Variants in NCAPH observed in about 807,000 individuals in gnomAD.
NCAPH encodes non-SMC condensin I complex subunit H.
A neutral mutation model predicts 85.5 loss-of-function variants in NCAPH; 38 were observed. The ratio of observed to expected loss-of-function variants is 0.44; its 90% CI spans 0.34 to 0.58. The LOEUF (loss-of-function observed/expected upper bound fraction) is 0.58, where lower values mean the gene tolerates loss of function less well. Among genes scored for constraint, NCAPH ranks in the 20% least tolerant of loss-of-function variants. The pLI is 0.01. For missense variants in NCAPH, 789 were observed against 916.6 expected, an observed-to-expected ratio of 0.86 and a Z score of 1.80; for synonymous variants, 301 against 335.1, an observed-to-expected ratio of 0.90 and a Z score of 1.11.
rs578135152 is a variant in NCAPH at position 96,359,268 on chromosome 2, A to G, written c.1357+75A>G. The G allele has an allele frequency of 9.3e-5, 144 of 1,553,032 alleles. 1 individual carries two copies. In the African/African-American group the frequency reaches 1.7e-3, roughly 19 times the overall value. Reference sequence around the variant, plus strand: ...AGCCAGTCAGCAGTTAGCCAAGGAAAAGAAATGCCAGTCACAGCCCTGTTG... The same window carrying G: ...AGCCAGTCAGCAGTTAGCCAAGGAAGAGAAATGCCAGTCACAGCCCTGTTG... On this transcript the variant is annotated intron_variant, in intron 10 of 17. Coordinates refer to ENST00000240423, the MANE Select transcript of NCAPH (RefSeq NM_015341.5).
chr2:96,339,313 C>T (rs1261909493), intron 1 of NCAPH, among the ~76,000 whole-genome samples: 1 of 152,154 alleles, frequency 6.6e-6, no homozygotes, highest in South Asian at 2.1e-4. Context: ...AGTCTTTGGG[C>T]AGGGCGTGGT....
intron 12 of NCAPH, among the ~76,000 whole-genome samples, chr2:96,361,927 A>G (rs1276599230): frequency 6.8e-6 from 1 of 147,994 alleles, no homozygotes; most frequent in African/African-American, 2.5e-5. Context: ...TGCCCAGGCC[A>G]TAGTCCAGTG....
intron 12 of NCAPH, among the ~76,000 whole-genome samples, chr2:96,361,029 T>A (rs572867142): frequency 6.6e-6 from 1 of 150,952 alleles, no homozygotes; most frequent in East Asian, 1.9e-4. Context: ...TCTTGATTCC[T>A]TTGCTTTCTC....
rs146092457 is a variant in NCAPH at position 96,354,239 on chromosome 2, T to C, written c.1059T>C (p.Asn353=). ...FKKNDQVFDI[N]AEVDESDCGD... is the part of the protein sequence containing the mutation. ...AGAATGACCAGGTATTTGACATCAA[T>C]GCTGAAGTTGACGAGAGTGACTGTG... is the stretch of plus-strand genomic sequence containing the variant. The change falls in exon 9 of 18, where the codon AAT becomes AAC. Residue 353 remains asparagine, a synonymous_variant. Coordinates refer to ENST00000240423, the MANE Select transcript of NCAPH (RefSeq NM_015341.5). The C allele has an allele frequency of 2.0e-5, 33 of 1,614,030 alleles. No individual in the cohort carries two copies. The highest frequency in any genetic ancestry group is 2.6e-5 in the Non-Finnish European group (31 of 1,180,036).
chr2:96,348,642 T>A (rs1012618438), intron 6 of NCAPH, among the ~76,000 whole-genome samples: 1 of 151,826 alleles, frequency 6.6e-6, no homozygotes, highest in Non-Finnish European at 1.5e-5. Flanking sequence ...CTGGAATTTA[T>A]CTTACTGTCA....
intron 6 of NCAPH, among the ~76,000 whole-genome samples, chr2:96,348,350 C>T (rs534403389): frequency 9.1e-4 from 139 of 151,942 alleles, no homozygotes; most frequent in African/African-American, 2.8e-3. Context: ...CCACCATGCC[C>T]GGCTAATTTT....
intron 3 of NCAPH, among the ~76,000 whole-genome samples, 166 bp downstream of exon 3, chr2:96,342,306 T>C (rs557449684): frequency 6.6e-6 from 1 of 152,226 alleles, no homozygotes; most frequent in Non-Finnish European, 1.5e-5. Context: ...GTGCACCTCC[T>C]GAGAGGCTGC....
rs1304962843 is a variant in NCAPH, at chr2:96,376,071, G to C, written c.*2720G>C. 6.6e-6 allele frequency among the ~76,000 whole-genome samples: 1 copy of C among 152,160 alleles called. No homozygotes were observed. Among genetic ancestry groups the C allele is most frequent in the South Asian group, 2.1e-4 (1 of 4,824 alleles). On this transcript the variant is annotated 3_prime_UTR_variant, in exon 18 of 18. Coordinates refer to ENST00000240423, the MANE Select transcript of NCAPH (RefSeq NM_015341.5). ...GGTAACAGAAAACAAACTAATACAAGTGGTAATGTGTCCAGCTAAAAATTT... is the reference window on the plus strand; with the variant it reads ...GGTAACAGAAAACAAACTAATACAACTGGTAATGTGTCCAGCTAAAAATTT...
In NCAPH at chr2:96,373,496, C is replaced by G. The variant is rs1462283216; in HGVS notation, c.*145C>G. On this transcript the variant is annotated 3_prime_UTR_variant, in exon 18 of 18. Transcript: ENST00000240423. Reference sequence around the variant, plus strand: ...GTGCCTGTTTGTTTGTTGCTCTTTCCTTCTCTCCATCATAGTCTGGGTGCC... The same window carrying G: ...GTGCCTGTTTGTTTGTTGCTCTTTCGTTCTCTCCATCATAGTCTGGGTGCC... The G allele has an allele frequency of 2.7e-6, 2 of 737,044 alleles. No individual in the cohort carries two copies. Among genetic ancestry groups the G allele is most frequent in the Admixed American group, 2.5e-5 (1 of 40,382 alleles). The allele number at this position is 737,044 out of a possible 1,614,324, so 45.7% of individuals were successfully genotyped here.
intron 12 of NCAPH, among the ~76,000 whole-genome samples, chr2:96,361,798 A>G (rs1353216752): frequency 9.4e-6 from 1 of 105,896 alleles, no homozygotes; most frequent in Non-Finnish European, 1.9e-5. Context: ...ATATATGTAT[A>G]TATATGTGTA....
Position 96,369,039 on chromosome 2 carries a change from G to T in NCAPH, c.2066G>T (p.Gly689Val). 2 of 1,555,596 alleles carry T rather than the reference G, an allele frequency of 1.3e-6. No homozygotes were observed. The highest frequency in any genetic ancestry group is 1.7e-6 in the Non-Finnish European group (2 of 1,149,072). Reference sequence around the variant, plus strand: ...GTGGCTGACGAGAAGATGCTTAGCGGGCTCACGAAGGACCTGCAGAGGAGG... The same window carrying T: ...GTGGCTGACGAGAAGATGCTTAGCGTGCTCACGAAGGACCTGCAGAGGAGG... Reference protein sequence around the residue: ...AEVADEKMLSGLTKDLQRSLP... With the variant: ...AEVADEKMLSVLTKDLQRSLP... The change falls in exon 16 of 18, where the codon GGG (glycine) becomes GTG (valine). Residue 689 changes from glycine (G) to valine (V), a missense_variant. Coordinates refer to ENST00000240423, the MANE Select transcript of NCAPH (RefSeq NM_015341.5).
At chr2:96,366,663 T>G (rs928248288) in intron 14 of NCAPH, among the ~76,000 whole-genome samples, 1 of 151,960 alleles carries the variant, frequency 6.6e-6, no homozygotes, top group East Asian at 1.9e-4. Flanking sequence ...CAGATCACGA[T>G]GTCAGGAGTT....
At chr2:96,349,942 C>CA (rs1165438065) in intron 6 of NCAPH, among the ~76,000 whole-genome samples, 1 of 152,166 alleles carries the variant, frequency 6.6e-6, no homozygotes, top group African/African-American at 2.4e-5. Flanking sequence ...TGAACTGGGC[C>CA]ATGAAGGAAG....
rs2064820906 is a variant in NCAPH, at chr2:96,375,361, G to A, written c.*2010G>A. The stretch of plus-strand genomic sequence containing the variant: ...GAATGTTTGTGTCTAAAATTCACAT[G>A]TTGGTATTAAGAGATAGGGCCTTTG... On this transcript the variant is annotated 3_prime_UTR_variant, in exon 18 of 18. Coordinates refer to ENST00000240423, the MANE Select transcript of NCAPH (RefSeq NM_015341.5). Among the ~76,000 whole-genome samples, 1 of 152,180 alleles carries A rather than the reference G, an allele frequency of 6.6e-6. No homozygotes were observed. The highest frequency in any genetic ancestry group is 2.1e-4 in the South Asian group (1 of 4,828).
intron 6 of NCAPH, among the ~76,000 whole-genome samples, chr2:96,346,941 T>G (rs1342594582): frequency 6.6e-6 from 1 of 151,748 alleles, no homozygotes; most frequent in Non-Finnish European, 1.5e-5. Flanking sequence ...ATATGGATAT[T>G]GAAATCAATA....
chr2:96,353,219 C>T lies in NCAPH; in HGVS notation c.911-87C>T, dbSNP rs907225202. ...TGAGGTAACTGTGCCTCTCATCTCTCGTCCCACTCAGTATCATTCTGAAGG... is the reference window on the plus strand; with the variant it reads ...TGAGGTAACTGTGCCTCTCATCTCTTGTCCCACTCAGTATCATTCTGAAGG... On this transcript the variant is annotated intron_variant, in intron 7 of 17. Coordinates refer to ENST00000240423, the MANE Select transcript of NCAPH (RefSeq NM_015341.5). The T allele has an allele frequency of 7.5e-6, 8 of 1,068,256 alleles. No homozygotes were observed. In the African/African-American group the frequency reaches 7.9e-5, roughly 10 times the overall value. The allele number at this position is 1,068,256 out of a possible 1,614,324, so 66.2% of individuals were successfully genotyped here.
In NCAPH at chr2:96,376,403, T is replaced by C. The variant is rs897609665; in HGVS notation, c.*3052T>C. ...GAAGAGGGAACCAGGCATTACAAAT[T>C]GAATTGAACAAGGACAGATATCTGA... On this transcript the variant is annotated 3_prime_UTR_variant, in exon 18 of 18. Transcript: ENST00000240423. Among the ~76,000 whole-genome samples, 1 of 152,278 alleles carries C rather than the reference T, an allele frequency of 6.6e-6. No homozygotes were observed. The highest frequency in any genetic ancestry group is 1.5e-5 in the Non-Finnish European group (1 of 68,004).
chr2:96,359,791 T>C (rs1232103824), intron 10 of NCAPH, among the ~76,000 whole-genome samples: 8 of 152,212 alleles, frequency 5.3e-5, no homozygotes, highest in Non-Finnish European at 8.8e-5. Context: ...GCTCAGTTAA[T>C]TTTTAAATTT....
In NCAPH at chr2:96,375,638, G is replaced by A. The variant is rs779762275; in HGVS notation, c.*2287G>A. Among the ~76,000 whole-genome samples the A allele has an allele frequency of 5.4e-4, 82 of 152,308 alleles. No individual in the cohort carries two copies. Among genetic ancestry groups the A allele is most frequent in the Non-Finnish European group, 9.7e-4 (66 of 68,028 alleles). On this transcript the variant is annotated 3_prime_UTR_variant, in exon 18 of 18. Transcript: ENST00000240423. ...TAAATTAAGCAGTCTAAGTCATTTT[G>A]TTATAGCAGACAAATTGACTAAGAC...
Sources: gnomAD v4.1 joint callset for allele counts (sites outside exome capture counted in the v4.1 genomes callset) on GRCh38, gnomAD v4.1.1 for gene constraint, MANE v1.5 for transcripts, NCBI Gene and HGNC (gene_info 2026-07-23, HGNC 2026-07-21) for gene names.